The following GTF2F2 variants were observed in gnomAD, a reference collection of about 807,000 sequenced individuals.
GTF2F2 encodes ATP-dependent helicase GTF2F2.
A neutral mutation model predicts 42.2 loss-of-function variants in GTF2F2; 23 were observed. The observed-to-expected ratio is 0.55, with a 90% CI of 0.39 to 0.77. The LOEUF is 0.77. Ranked by LOEUF, GTF2F2 falls within the 30% of genes least tolerant of loss-of-function variation. The probability of loss-of-function intolerance (pLI) is 0.00; values close to 1 mark genes in which losing one functional copy is unlikely to be tolerated. For synonymous variants in GTF2F2, 105 were observed against 100.8 expected, an observed-to-expected ratio of 1.04 and a Z score of -0.25; for missense variants, 261 against 287.2, an observed-to-expected ratio of 0.91 and a Z score of 0.66.
chr13:45,121,273 C>T (rs1699788060), intron 1 of GTF2F2, among the ~76,000 whole-genome samples: 2 of 152,122 alleles, frequency 1.3e-5, no homozygotes, highest in African/African-American at 2.4e-5. Flanking sequence ...ATTTGGGTCT[C>T]GTGAAACTGG....
chr13:45,173,267 A>G (rs1447205772), intron 4 of GTF2F2, among the ~76,000 whole-genome samples: 1 of 152,124 alleles, frequency 6.6e-6, no homozygotes, highest in Non-Finnish European at 1.5e-5. Flanking sequence ...CCTCAGTGGT[A>G]ATATTGCAAT....
rs558655006 is a variant in GTF2F2 at position 45,133,069 on chromosome 13, T to C, written c.67-3664T>C. 5.3e-4 allele frequency among the ~76,000 whole-genome samples: 80 copies of C among 152,232 alleles called. 1 individual carries two copies. The highest frequency in any genetic ancestry group is 1.1e-3 in the Non-Finnish European group (73 of 68,020). On this transcript the variant is annotated intron_variant, in intron 1 of 7. Coordinates refer to ENST00000340473, the MANE Select transcript of GTF2F2 (RefSeq NM_004128.3). ...ATAAAATAAAACCACAGATAAATTA[T>C]AAATTAATAAAGAGAAGTAGAGATT... is the stretch of plus-strand genomic sequence containing the variant.
intron 4 of GTF2F2, among the ~76,000 whole-genome samples, chr13:45,180,095 G>A (rs1301243435): frequency 1.3e-5 from 2 of 152,004 alleles, no homozygotes; most frequent in Non-Finnish European, 1.5e-5. Flanking sequence ...TCAAAATAAC[G>A]TCTCATTTTT....
At chr13:45,158,532 T>A (rs1038577946) in intron 4 of GTF2F2, among the ~76,000 whole-genome samples, 1 of 152,146 alleles carries the variant, frequency 6.6e-6, no homozygotes, top group African/African-American at 2.4e-5. Context: ...TCTGTGAAAA[T>A]CTCTTACCTT....
At chr13:45,177,636 A>C (rs1478983937) in intron 4 of GTF2F2, among the ~76,000 whole-genome samples, 1 of 152,182 alleles carries the variant, frequency 6.6e-6, no homozygotes, top group Non-Finnish European at 1.5e-5. Context: ...TAATGGCCCC[A>C]AAGTATGAGA....
At chr13:45,137,962 GCA>G (rs1468234264) in intron 2 of GTF2F2, among the ~76,000 whole-genome samples, 4 of 152,136 alleles carry the variant, frequency 2.6e-5, no homozygotes, top group African/African-American at 9.7e-5. Context: ...GCTGAGGCGA[GCA>G]CATGTTCCTT....
intron 4 of GTF2F2, chr13:45,194,318 G>A (rs1423548060): frequency 6.2e-7 from 1 of 1,614,142 alleles, no homozygotes; most frequent in Middle Eastern, 1.6e-4. Context: ...CTGAAGAGGA[G>A]ACCATCCCTG....
intron 5 of GTF2F2, among the ~76,000 whole-genome samples, chr13:45,234,153 A>AT (rs1874829642): frequency 6.6e-6 from 1 of 152,224 alleles, no homozygotes; most frequent in Admixed American, 6.5e-5. Flanking sequence ...CTGTATTATA[A>AT]TTTTTACCAT....
intron 4 of GTF2F2, among the ~76,000 whole-genome samples, chr13:45,191,135 G>A (rs9526046): frequency 0.17 from 24,427 of 146,422 alleles, 2,373 homozygotes; most frequent in Non-Finnish European, 0.22. Context: ...ACTTTGGGAG[G>A]CCGAGGTGGG....
At chr13:45,219,179 C>T (rs1480949552) in intron 5 of GTF2F2, among the ~76,000 whole-genome samples, 1 of 145,702 alleles carries the variant, frequency 6.9e-6, no homozygotes, top group East Asian at 2.0e-4. Context: ...AAAAAAAAAT[C>T]TCATTTCCTT....
chr13:45,128,325 A>G (rs1869154158), intron 1 of GTF2F2, among the ~76,000 whole-genome samples: 1 of 149,254 alleles, frequency 6.7e-6, no homozygotes. Flanking sequence ...CTGTAATTGC[A>G]GCACTTTGGG....
intron 3 of GTF2F2, among the ~76,000 whole-genome samples, chr13:45,151,036 C>G (rs1309719727): frequency 6.6e-6 from 1 of 151,932 alleles, no homozygotes; most frequent in Non-Finnish European, 1.5e-5. Flanking sequence ...AGGTATATTG[C>G]ATGATGCTGA....
intron 4 of GTF2F2, chr13:45,193,602 G>A: frequency 1.8e-6 from 1 of 559,884 alleles, no homozygotes; most frequent in Non-Finnish European, 3.1e-6. Context: ...TGATCAGTAG[G>A]AACACCCCAG....
chr13:45,218,669 A>G (rs965527047), intron 5 of GTF2F2, among the ~76,000 whole-genome samples: 1 of 152,224 alleles, frequency 6.6e-6, no homozygotes, highest in African/African-American at 2.4e-5. Context: ...TTTCTGAAAC[A>G]TTTGAAAATG....
At chr13:45,193,898 T>C in intron 4 of GTF2F2, 1 of 1,614,112 alleles carries the variant, frequency 6.2e-7, no homozygotes. Flanking sequence ...GCCTCAAACT[T>C]AAGAGTTTCC....
chr13:45,146,321 C>A (rs1372156124), intron 2 of GTF2F2, among the ~76,000 whole-genome samples: 3 of 151,996 alleles, frequency 2.0e-5, no homozygotes, highest in Non-Finnish European at 2.9e-5. Flanking sequence ...CATAGTGAGA[C>A]CCTGTCTCTA....
At chr13:45,248,837 A>C (rs1259725959) in intron 5 of GTF2F2, among the ~76,000 whole-genome samples, 1 of 152,162 alleles carries the variant, frequency 6.6e-6, no homozygotes, top group Non-Finnish European at 1.5e-5. Context: ...GCTGTATCTA[A>C]GTGATCAGCC....
chr13:45,144,455 G>GTT (rs1870088912), intron 2 of GTF2F2, among the ~76,000 whole-genome samples: 4 of 119,434 alleles, frequency 3.3e-5, no homozygotes, highest in South Asian at 2.7e-4. Context: ...TCTTTTTTTG[G>GTT]TCTTTTTTTT....
chr13:45,180,394 G>A (rs1252847212), intron 4 of GTF2F2, among the ~76,000 whole-genome samples: 6 of 152,044 alleles, frequency 3.9e-5, no homozygotes, highest in Admixed American at 6.6e-5. Context: ...TGCGTATTTT[G>A]TGTCTGTTTT....
Sources: allele counts gnomAD v4.1 joint callset (sites outside exome capture counted in the v4.1 genomes callset), GRCh38; gene constraint gnomAD v4.1.1; transcripts MANE v1.5; gene names NCBI Gene and HGNC (gene_info 2026-07-23, HGNC 2026-07-21).